Variants in TPST1 observed in about 807,000 individuals in gnomAD.
The protein encoded by TPST1 is protein-tyrosine sulfotransferase 1.
A neutral mutation model predicts 34.8 loss-of-function variants in TPST1; 20 were observed. That is an observed-to-expected ratio of 0.57 (90% confidence interval 0.40 to 0.84). The LOEUF (loss-of-function observed/expected upper bound fraction) is 0.84, where lower values mean the gene tolerates loss of function less well. Ranked by LOEUF, TPST1 falls within the 40% of genes least tolerant of loss-of-function variation. The pLI is 0.00. For synonymous variants in TPST1, 152 were observed against 159.4 expected (o/e 0.95, Z 0.35); for missense variants, 353 against 455.5 (o/e 0.78, Z 2.05).
intron 3 of TPST1, among the ~76,000 whole-genome samples, chr7:66,320,744 A>G (rs1221286397): frequency 4.0e-5 from 6 of 151,342 alleles, no homozygotes; most frequent in Non-Finnish European, 8.8e-5. Context: ...TATTACAGAC[A>G]TGTGCCACCA....
At chr7:66,293,275 G>A (rs918183571) in intron 3 of TPST1, among the ~76,000 whole-genome samples, 6 of 151,878 alleles carry the variant, frequency 4.0e-5, no homozygotes, top group Non-Finnish European at 8.8e-5. Context: ...TTGGAAGGCC[G>A]AGATGCGAGT....
chr7:66,331,248 G>T (rs566074686), intron 3 of TPST1, among the ~76,000 whole-genome samples: 7 of 152,310 alleles, frequency 4.6e-5, no homozygotes, highest in African/African-American at 1.4e-4. Flanking sequence ...CAGACTTTTT[G>T]TAACTTAATC....
rs761063973 is a variant in TPST1 at position 66,305,962 on chromosome 7, A to T, written c.1044+19253A>T. On this transcript the variant is annotated intron_variant, in intron 3 of 5. Coordinates refer to ENST00000304842, the MANE Select transcript of TPST1 (RefSeq NM_003596.4). ...GATAGTGATAACTTTTCTATTCCTC[A>T]TGTGATGACCCCTTGATTCCGCCTC... 2.0e-5 allele frequency among the ~76,000 whole-genome samples: 3 copies of T among 152,266 alleles called. No homozygotes were observed. The East Asian group carries it at 5.8e-4, about 29-fold the overall frequency.
chr7:66,276,959 T>C (rs138161151), intron 2 of TPST1, among the ~76,000 whole-genome samples: 81 of 152,336 alleles, frequency 5.3e-4, no homozygotes, highest in Non-Finnish European at 9.8e-4. Context: ...CAAGCTGTCT[T>C]TATTAATTTC....
chr7:66,278,625 A>T (rs1037881408), intron 2 of TPST1, among the ~76,000 whole-genome samples: 4 of 152,080 alleles, frequency 2.6e-5, no homozygotes, highest in Middle Eastern at 3.2e-3. Context: ...TCTACTAAAT[A>T]TACAAAAAAG....
chr7:66,329,577 G>T (rs1185682593), intron 3 of TPST1, among the ~76,000 whole-genome samples: 1 of 152,156 alleles, frequency 6.6e-6, no homozygotes, highest in Non-Finnish European at 1.5e-5. Context: ...CTATATGACT[G>T]GCGTTTCTCC....
At chr7:66,220,537 G>T (rs1261291987) in intron 1 of TPST1, among the ~76,000 whole-genome samples, 1 of 152,066 alleles carries the variant, frequency 6.6e-6, no homozygotes, top group East Asian at 1.9e-4. Flanking sequence ...AGGAAAGATG[G>T]CATTAAAGTG....
chr7:66,318,905 G>A (rs917270616), intron 3 of TPST1, among the ~76,000 whole-genome samples: 4 of 152,298 alleles, frequency 2.6e-5, no homozygotes, highest in Non-Finnish European at 5.9e-5. Context: ...GCACTTTGAA[G>A]ATATTTTAAC....
chr7:66,315,373 C>A (rs1264287972), intron 3 of TPST1, among the ~76,000 whole-genome samples: 1 of 152,242 alleles, frequency 6.6e-6, no homozygotes, highest in African/African-American at 2.4e-5. Context: ...CAGCCACTGT[C>A]AGCACAGAGG....
intron 1 of TPST1, among the ~76,000 whole-genome samples, chr7:66,218,474 G>A (rs996364941): frequency 2.0e-5 from 3 of 152,120 alleles, no homozygotes; most frequent in Non-Finnish European, 1.5e-5. Flanking sequence ...AACAGTACAT[G>A]GTTGTACATG....
intron 3 of TPST1, among the ~76,000 whole-genome samples, chr7:66,343,879 A>G (rs1792289448): frequency 6.6e-6 from 1 of 152,260 alleles, no homozygotes; most frequent in Admixed American, 6.5e-5. Context: ...GAAAAAGTGA[A>G]CAACATGCAA....
chr7:66,203,206 AACAC>A (rs761811361), upstream of TPST1, among the ~76,000 whole-genome samples: 741 of 149,198 alleles, frequency 5.0e-3, 8 homozygotes, highest in African/African-American at 0.017. Flanking sequence ...TATACACACA[AACAC>A]ACACACACAC....
At position 66,241,344 on chromosome 7, in the gene TPST1, T is replaced by A. The variant is rs1790032250; in HGVS notation, c.845+74T>A. The stretch of plus-strand genomic sequence containing the variant: ...TGATCTATACATATGTATGTATGTG[T>A]TTTATGTATATATGTGTGTATGTTC... On this transcript the variant is annotated intron_variant, in intron 2 of 5. Transcript: ENST00000304842. 2.0e-6 allele frequency: 3 copies of A among 1,506,888 alleles called. No homozygotes were observed. In the South Asian group the frequency reaches 4.1e-5, roughly 20 times the overall value. 93.3% of individuals were successfully genotyped at this position (1,506,888 alleles called of 1,614,324 possible).
intron 2 of TPST1, among the ~76,000 whole-genome samples, chr7:66,254,818 T>C (rs937583243): frequency 3.9e-5 from 6 of 152,238 alleles, no homozygotes; most frequent in African/African-American, 1.4e-4. Flanking sequence ...TTGCCTAGGC[T>C]AGGACTTCTA....
intron 4 of TPST1, among the ~76,000 whole-genome samples, chr7:66,354,522 CAAAAAAA>C (rs66521537): frequency 4.6e-4 from 28 of 60,788 alleles, no homozygotes; most frequent in African/African-American, 1.1e-3. Flanking sequence ...GAGTCTGTCT[CAAAAAAA>C]AAAAAAAAAA....
chr7:66,221,554 A>G (rs1192275151), intron 1 of TPST1: 1 of 152,214 alleles, frequency 6.6e-6, no homozygotes, highest in Non-Finnish European at 1.5e-5. Context: ...CCTTTAAATG[A>G]TCAAGTCTGA....
In TPST1 at chr7:66,240,888, T is replaced by C; in HGVS notation, c.463T>C (p.Tyr155His). Residue 155 changes from tyrosine (Y) to histidine (H), a missense_variant, in exon 2 of 6, where the codon TAT (tyrosine) becomes CAT (histidine). By Grantham distance (83) the Tyr-to-His change is moderately conservative. Coordinates refer to ENST00000304842, the MANE Select transcript of TPST1 (RefSeq NM_003596.4). ...CGTTAAGCATGGGGAGCCAGCCCCT[T>C]ATTTATGTAATAAAGATCCTTTTGC... ...IIVKHGEPAP[Y>H]LCNKDPFALK... The C allele has an allele frequency of 1.2e-6, 2 of 1,614,216 alleles. No individual in the cohort carries two copies. The highest frequency in any genetic ancestry group is 8.5e-7 in the Non-Finnish European group (1 of 1,180,046).
At chr7:66,279,805 C>T (rs1333920624) in intron 2 of TPST1, among the ~76,000 whole-genome samples, 2 of 152,216 alleles carry the variant, frequency 1.3e-5, no homozygotes, top group African/African-American at 4.8e-5. Flanking sequence ...ATTAAACAAT[C>T]TTTATTTGAT....
At chr7:66,208,706 C>T (rs12540888) in intron 1 of TPST1, among the ~76,000 whole-genome samples, 5,494 of 151,998 alleles carry the variant, frequency 0.036, 157 homozygotes, top group East Asian at 0.086. Flanking sequence ...TGACCTCAAG[C>T]AGTCTGCCTG....
Sources: gnomAD v4.1 joint callset for allele counts (sites outside exome capture counted in the v4.1 genomes callset) on GRCh38, gnomAD v4.1.1 for gene constraint, MANE v1.5 for transcripts, NCBI Gene and HGNC (gene_info 2026-07-23, HGNC 2026-07-21) for gene names.